Variants in TMEM132D observed in about 807,000 individuals in gnomAD.
TMEM132D encodes mature OL transmembrane protein.
Under a neutral mutation model 62.3 loss-of-function variants are expected in TMEM132D, and 21 were observed. The ratio of observed to expected loss-of-function variants is 0.34; its 90% CI spans 0.24 to 0.49. The LOEUF is 0.49. Among genes scored for constraint, TMEM132D ranks in the 20% least tolerant of loss-of-function variants. TMEM132D has a pLI of 0.99. For synonymous variants in TMEM132D, 621 were observed against 575.6 expected, an observed-to-expected ratio of 1.08 and a Z score of -1.13; for missense variants, 1,346 against 1,402.8, an observed-to-expected ratio of 0.96 and a Z score of 0.65.
intron 2 of TMEM132D, among the ~76,000 whole-genome samples, chr12:129,537,229 A>G (rs1876422180): frequency 6.6e-6 from 1 of 151,990 alleles, no homozygotes; most frequent in African/African-American, 2.4e-5. Context: ...CAGTTGAACC[A>G]TGGGTTGGAC....
intron 1 of TMEM132D, among the ~76,000 whole-genome samples, chr12:129,873,593 A>G (rs996637608): frequency 6.6e-6 from 1 of 152,208 alleles, no homozygotes; most frequent in Non-Finnish European, 1.5e-5. Flanking sequence ...CAAAGAATGG[A>G]TCTGTCTTGT....
intron 5 of TMEM132D, among the ~76,000 whole-genome samples, chr12:129,147,850 A>G (rs1876957045): frequency 6.6e-6 from 1 of 152,214 alleles, no homozygotes; most frequent in Non-Finnish European, 1.5e-5. Flanking sequence ...CTCCTGCTAC[A>G]CCAGATTTCC....
chr12:129,661,681 A>C (rs1250836611), intron 2 of TMEM132D, among the ~76,000 whole-genome samples: 1 of 152,226 alleles, frequency 6.6e-6, no homozygotes, highest in Non-Finnish European at 1.5e-5. Context: ...GTGGTAATAT[A>C]TATCTCCACC....
chr12:129,634,971 T>C (rs548014222), intron 2 of TMEM132D, among the ~76,000 whole-genome samples: 18 of 152,334 alleles, frequency 1.2e-4, no homozygotes, highest in African/African-American at 4.3e-4. Context: ...GGGCTCCTTA[T>C]ACCATTCCTT....
intron 3 of TMEM132D, among the ~76,000 whole-genome samples, chr12:129,392,296 G>A (rs542797969): frequency 2.3e-4 from 35 of 152,058 alleles, no homozygotes; most frequent in Admixed American, 8.5e-4. Flanking sequence ...ACCTCAGGGC[G>A]ATCCGCCCAC....
At chr12:129,555,369 G>T (rs968875812) in intron 2 of TMEM132D, among the ~76,000 whole-genome samples, 4 of 152,216 alleles carry the variant, frequency 2.6e-5, no homozygotes, top group Non-Finnish European at 5.9e-5. Flanking sequence ...TGGGATGAAA[G>T]TTGGGTCTAC....
intron 3 of TMEM132D, among the ~76,000 whole-genome samples, chr12:129,476,043 A>C (rs926308277): frequency 6.6e-5 from 10 of 152,200 alleles, no homozygotes; most frequent in Non-Finnish European, 1.3e-4. Context: ...TTTGAGTACC[A>C]TGTCGGGAAG....
At chr12:129,759,496 T>C (rs1205036117) in intron 1 of TMEM132D, among the ~76,000 whole-genome samples, 1 of 152,182 alleles carries the variant, frequency 6.6e-6, no homozygotes, top group South Asian at 2.1e-4. Context: ...TTAGTCACCA[T>C]GGGAAGATAG....
chr12:129,372,983 A>C (rs1870661967), intron 3 of TMEM132D, among the ~76,000 whole-genome samples: 1 of 152,012 alleles, frequency 6.6e-6, no homozygotes, highest in South Asian at 2.1e-4. Flanking sequence ...TTAAGCCACT[A>C]AGTTTGTGGT....
intron 2 of TMEM132D, among the ~76,000 whole-genome samples, chr12:129,693,142 C>T (rs1186743963): frequency 1.3e-5 from 2 of 152,098 alleles, no homozygotes; most frequent in African/African-American, 4.8e-5. Context: ...TACTGAATGT[C>T]GAGAAACTAG....
chr12:129,821,329 A>C (rs1378468496), intron 1 of TMEM132D, among the ~76,000 whole-genome samples: 1 of 152,164 alleles, frequency 6.6e-6, no homozygotes, highest in Non-Finnish European at 1.5e-5. Flanking sequence ...CGCACGTCAG[A>C]TGCTCCCCAC....
At chr12:129,506,248 G>T (rs913872023) in intron 3 of TMEM132D, among the ~76,000 whole-genome samples, 7 of 152,082 alleles carry the variant, frequency 4.6e-5, no homozygotes, top group African/African-American at 1.7e-4. Flanking sequence ...CCATTTGTTT[G>T]TCTAGAATCA....
intron 2 of TMEM132D, among the ~76,000 whole-genome samples, chr12:129,663,603 G>A (rs900711872): frequency 1.3e-5 from 2 of 152,186 alleles, no homozygotes; most frequent in African/African-American, 4.8e-5. Flanking sequence ...TGGTGTGTAG[G>A]CTAAAACAGA....
rs186032554 is a variant in TMEM132D at position 129,421,710 on chromosome 12, A to G, written c.1116-83893T>C. ...GGCTATATTTTTGATACACTGCTGGATTTGTTTGTTAATGTTTTATGTATG... is the reference window on the plus strand; with the variant it reads ...GGCTATATTTTTGATACACTGCTGGGTTTGTTTGTTAATGTTTTATGTATG... On this transcript the variant is annotated intron_variant, in intron 3 of 8. Transcript: ENST00000422113. Among the ~76,000 whole-genome samples, 5 of 152,270 alleles carry G rather than the reference A, an allele frequency of 3.3e-5. No homozygotes were observed. The East Asian group carries it at 9.6e-4, about 29-fold the overall frequency.
At chr12:129,550,832 C>A (rs1398000851) in intron 2 of TMEM132D, among the ~76,000 whole-genome samples, 1 of 152,132 alleles carries the variant, frequency 6.6e-6, no homozygotes, top group Non-Finnish European at 1.5e-5. Context: ...CAGTATATAC[C>A]TCCTAACCCT....
In TMEM132D at chr12:129,581,931, C is replaced by T. The variant is rs147735382; in HGVS notation, c.969-50726G>A. 1.4e-4 allele frequency among the ~76,000 whole-genome samples: 22 copies of T among 152,300 alleles called. No homozygotes were observed. The South Asian group carries it at 1.7e-3, about 11-fold the overall frequency. On this transcript the variant is annotated intron_variant, in intron 2 of 8. Coordinates refer to ENST00000422113, the MANE Select transcript of TMEM132D (RefSeq NM_133448.3). ...GACTGAGACAGTCAAAAACAGACTTCGTTTGAACATGATTTGCAAGTCATC... is the reference window on the plus strand; with the variant it reads ...GACTGAGACAGTCAAAAACAGACTTTGTTTGAACATGATTTGCAAGTCATC...
chr12:129,642,464 C>A (rs1879664479), intron 2 of TMEM132D, among the ~76,000 whole-genome samples: 1 of 152,176 alleles, frequency 6.6e-6, no homozygotes, highest in South Asian at 2.1e-4. Flanking sequence ...TCCTGCCACC[C>A]TGTCACTTCA....
intron 5 of TMEM132D, among the ~76,000 whole-genome samples, chr12:129,142,231 G>A (rs926531348): frequency 3.3e-5 from 5 of 152,140 alleles, no homozygotes; most frequent in East Asian, 1.9e-4. Context: ...AAGGTGCAGC[G>A]AACTTTCTGC....
intron 5 of TMEM132D, among the ~76,000 whole-genome samples, chr12:129,207,674 C>T (rs1334963253): frequency 6.6e-6 from 1 of 151,982 alleles, no homozygotes; most frequent in Admixed American, 6.6e-5. Flanking sequence ...GTGAGGCCAG[C>T]GTTACAGCAG....
Sources: allele counts gnomAD v4.1 joint callset (sites outside exome capture counted in the v4.1 genomes callset), GRCh38; gene constraint gnomAD v4.1.1; transcripts MANE v1.5; gene names NCBI Gene and HGNC (gene_info 2026-07-23, HGNC 2026-07-21).